The following NFIC variants were observed in gnomAD, a reference collection of about 807,000 sequenced individuals.
NFIC encodes nuclear factor I C, also known as nuclear factor 1 C-type.
In NFIC, 12 loss-of-function variants were observed where a neutral mutation model predicts 54.4. The ratio of observed to expected loss-of-function variants is 0.22; its 90% CI spans 0.14 to 0.36. NFIC has a LOEUF of 0.36. NFIC is among the 10% of genes least tolerant of loss of function. NFIC has a pLI of 1.00. For missense variants in NFIC, 575 were observed against 718.2 expected (o/e 0.80, Z 2.28); for synonymous variants, 322 against 319.2 (o/e 1.01, Z -0.09).
intron 1 of NFIC, chr19:3,359,781 GCGGGGGCCGCC>G (rs2080786134): frequency 3.1e-6 from 4 of 1,271,950 alleles, no homozygotes; most frequent in African/African-American, 3.2e-5. Flanking sequence ...GGGACAGGGG[GCGGGGGCCGCC>G]CGGAGGAGGG....
intron 2 of NFIC, among the ~76,000 whole-genome samples, chr19:3,398,673 C>G (rs73919143): frequency 0.015 from 2,359 of 152,254 alleles, 67 homozygotes; most frequent in African/African-American, 0.053. Flanking sequence ...GTGGCTACGA[C>G]GCTCCCGTGC....
At chr19:3,377,481 TGCCCAGCCC>T in intron 1 of NFIC, among the ~76,000 whole-genome samples, 1 of 152,058 alleles carries the variant, frequency 6.6e-6, no homozygotes, top group South Asian at 2.1e-4. Flanking sequence ...CTGTCCGAAA[TGCCCAGCCC>T]AGCCTGGTCA....
chr19:3,375,679 GT>G lies in NFIC; in HGVS notation c.31-6032del, dbSNP rs1363389339. On this transcript the variant is annotated intron_variant, in intron 1 of 10. Transcript: ENST00000443272. This position sits in a 1 kb window ranked among gnomAD's most constrained non-coding sequence, Gnocchi z 4.6. ...GCTTCGCTGGTACAAGCTGACTCTG[GT>G]CTCACTGGGTGGGGAGGCTATTTTC... Among the ~76,000 whole-genome samples, 1 of 152,218 alleles carries G rather than the reference GT, an allele frequency of 6.6e-6. No homozygotes were observed. The highest frequency in any genetic ancestry group is 1.5e-5 in the Non-Finnish European group (1 of 68,024).
At chr19:3,410,467 G>C (rs908393034) in intron 2 of NFIC, 2 of 152,440 alleles carry the variant, frequency 1.3e-5, no homozygotes, top group Non-Finnish European at 2.9e-5. Flanking sequence ...CCTGAGGCAG[G>C]ACCATGCCTG....
intron 1 of NFIC, chr19:3,359,774 A>G (rs1346985384): frequency 1.3e-5 from 17 of 1,298,772 alleles, no homozygotes; most frequent in South Asian, 1.9e-5. Flanking sequence ...ATCTGGGGGG[A>G]CAGGGGGCGG....
At chr19:3,431,934 G>A (rs1324024879) in intron 3 of NFIC, among the ~76,000 whole-genome samples, 2 of 152,154 alleles carry the variant, frequency 1.3e-5, no homozygotes, top group African/African-American at 2.4e-5. Flanking sequence ...AGGAACATTC[G>A]TGGACTTTTG....
In NFIC at chr19:3,464,524, C is replaced by T. The variant is rs1434444008; in HGVS notation, c.*1755C>T. On this transcript the variant is annotated 3_prime_UTR_variant, in exon 11 of 11. Coordinates refer to ENST00000443272, the MANE Select transcript of NFIC (RefSeq NM_001245002.2). ...GAGCTCAAACACAAGGACCCCTCCCCGGCCCACCCAGCCCAGCCCCAACTG... is the reference window on the plus strand; with the variant it reads ...GAGCTCAAACACAAGGACCCCTCCCTGGCCCACCCAGCCCAGCCCCAACTG... The T allele has an allele frequency of 8.8e-6, 8 of 910,538 alleles. No individual in the cohort carries two copies. The highest frequency in any genetic ancestry group is 5.5e-4 in the Middle Eastern group (1 of 1,816). The allele number at this position is 910,538 out of a possible 1,614,324, so 56.4% of individuals were successfully genotyped here. A position where few individuals can be genotyped will look rare whatever the true frequency, so the allele number is the denominator to read the frequency against.
chr19:3,394,533 C>CCA (rs1303364002), intron 2 of NFIC, among the ~76,000 whole-genome samples: 1 of 110,772 alleles, frequency 9.0e-6, no homozygotes, highest in African/African-American at 3.8e-5. Context: ...ACCCCCCACC[C>CCA]GCTTACACTA....
chr19:3,416,193 GC>G (rs2081851121), intron 2 of NFIC, among the ~76,000 whole-genome samples: 1 of 149,026 alleles, frequency 6.7e-6, no homozygotes, highest in Admixed American at 6.7e-5. Flanking sequence ...GACCATGATT[GC>G]CCCCCCATAA....
Position 3,454,804 on chromosome 19 carries a change from T to C in NFIC, c.1423+888T>C, listed in dbSNP as rs1165576673. ...CAAGCAGTTGGTGGCCACGGTTCCT[T>C]CTAGGTGCCCTCAGCTCCTCTTCTC... On this transcript the variant is annotated intron_variant, in intron 9 of 10. Coordinates refer to ENST00000443272, the MANE Select transcript of NFIC (RefSeq NM_001245002.2). Among the ~76,000 whole-genome samples the C allele has an allele frequency of 4.7e-5, 7 of 150,230 alleles. 1 individual carries two copies. The highest frequency in any genetic ancestry group is 1.3e-4 in the Admixed American group (2 of 15,084).
rs145526538 is a variant in NFIC at position 3,413,749 on chromosome 19, G to A, written c.563-11357G>A. Among the ~76,000 whole-genome samples, 345 of 152,100 alleles carry A rather than the reference G, an allele frequency of 2.3e-3. 1 individual carries two copies. The highest frequency in any genetic ancestry group is 4.1e-3 in the Admixed American group (62 of 15,258). On this transcript the variant is annotated intron_variant, in intron 2 of 10. Transcript: ENST00000443272. ...TCCCCCGGGTTCAAGCAATTCTCCC[G>A]TCTCAGCCTCCGGAGCAGCTGGGAT...
chr19:3,366,361 G>T (rs535456557), upstream of NFIC, among the ~76,000 whole-genome samples: 18 of 150,806 alleles, frequency 1.2e-4, no homozygotes, highest in East Asian at 2.9e-3. Context: ...GAGGGGGAGG[G>T]TGTCAGAGGG....
At chr19:3,432,179 G>A (rs188912055) in intron 3 of NFIC, among the ~76,000 whole-genome samples, 2 of 152,272 alleles carry the variant, frequency 1.3e-5, no homozygotes, top group Admixed American at 1.3e-4. Context: ...CCGACCTCTC[G>A]GGGACAACTT....
rs2082478367 is a variant in NFIC, at chr19:3,452,410, A to G, written c.1085-72A>G. On this transcript the variant is annotated intron_variant, in intron 7 of 10. Transcript: ENST00000443272. This position sits in a 1 kb window ranked among gnomAD's most constrained non-coding sequence, Gnocchi z 5.3. ...GCCGGCAGGAATGACACCCACAGAC[A>G]CACAGTCACACGGTCACAGAGCAGA... is the stretch of plus-strand genomic sequence containing the variant. 4.5e-6 allele frequency: 7 copies of G among 1,563,868 alleles called. No homozygotes were observed. Among genetic ancestry groups the G allele is most frequent in the Non-Finnish European group, 6.1e-6 (7 of 1,149,982 alleles).
chr19:3,366,747 G>C (rs1421447705), intron 1 of NFIC, 81 bp downstream of exon 1: 4 of 1,106,158 alleles, frequency 3.6e-6, no homozygotes, highest in African/African-American at 1.6e-5. Flanking sequence ...AGGAGGAGGC[G>C]GGACGAAAAA....
At chr19:3,424,099 C>T (rs1455905893) in intron 2 of NFIC, among the ~76,000 whole-genome samples, 8 of 152,068 alleles carry the variant, frequency 5.3e-5, no homozygotes, top group Non-Finnish European at 8.8e-5. Flanking sequence ...ATGATCTCCA[C>T]TTGCTGCAAC....
chr19:3,429,132 A>AAAC (rs1555754138), intron 3 of NFIC, among the ~76,000 whole-genome samples: 1 of 67,384 alleles, frequency 1.5e-5, no homozygotes, highest in Non-Finnish European at 2.6e-5. Context: ...CCAAAAAAAA[A>AAAC]ATATACACAC....
chr19:3,410,013 G>A (rs2081725944), intron 2 of NFIC, among the ~76,000 whole-genome samples: 1 of 151,610 alleles, frequency 6.6e-6, no homozygotes, highest in Admixed American at 6.6e-5. Context: ...TTTGAGTCCA[G>A]CCTGGGCAAC....
At chr19:3,456,798 C>T (rs1319699552) in intron 10 of NFIC, 163 bp downstream of exon 10, 2 of 681,858 alleles carry the variant, frequency 2.9e-6, no homozygotes, top group East Asian at 2.7e-5. Flanking sequence ...CACCTGGCCT[C>T]TCCCTGAGGC....
Sources: gnomAD v4.1 joint callset for allele counts (sites outside exome capture counted in the v4.1 genomes callset) on GRCh38, gnomAD v4.1.1 for gene constraint, Gnocchi (gnomAD v3.1) non-coding constraint, MANE v1.5 for transcripts, NCBI Gene and HGNC (gene_info 2026-07-23, HGNC 2026-07-21) for gene names.